The following UPRT variants were observed in gnomAD, a reference collection of about 807,000 sequenced individuals.
The protein encoded by UPRT is uracil phosphoribosyltransferase homolog, also known as RP11-311P8.3.
UPRT carries 5 observed loss-of-function variants against 22.6 expected under a neutral mutation model. The ratio of observed to expected loss-of-function variants is 0.22; its 90% CI spans 0.12 to 0.47. The LOEUF (loss-of-function observed/expected upper bound fraction) is 0.47, where lower values mean the gene tolerates loss of function less well. Ranked by LOEUF, UPRT falls within the 20% of genes least tolerant of loss-of-function variation. The pLI is 0.99. For synonymous variants in UPRT, 77 were observed against 87.7 expected (o/e 0.88, Z 0.68); for missense variants, 181 against 239.9 (o/e 0.75, Z 1.62).
Position 75,173,947 on chromosome X carries a change from C to T in UPRT, c.-447+6068C>T, listed in dbSNP as rs751640315. ...GGAACTCCAGCTGGCCCACAAGCGC[C>T]GCATGCAGCCCCGGTTCCCGCTCCC... is the stretch of plus-strand genomic sequence containing the variant. On this transcript the variant is annotated intron_variant, in intron 4 of 13. Coordinates refer to the UPRT transcript ENST00000652605. 1.8e-5 allele frequency among the ~76,000 whole-genome samples: 2 copies of T among 111,047 alleles called. 1 individual carries two copies. Among genetic ancestry groups the T allele is most frequent in the South Asian group, 7.6e-4 (2 of 2,624 alleles).
intron 4 of UPRT, among the ~76,000 whole-genome samples, chrX:75,255,418 C>T (rs1464358902): frequency 8.9e-6 from 1 of 111,755 alleles, no homozygotes; most frequent in Non-Finnish European, 1.9e-5. Flanking sequence ...AAGCATAAAT[C>T]TCACATGTCC....
At chrX:75,162,106 CTTTTT>C (rs5902736) in intron 2 of UPRT, among the ~76,000 whole-genome samples, 1 of 78,977 alleles carries the variant, frequency 1.3e-5, no homozygotes, top group African/African-American at 4.3e-5. Context: ...TCTTTCTTTT[CTTTTT>C]TTTTTTTTTT....
chrX:75,172,212 G>C (rs2147604289), intron 4 of UPRT, among the ~76,000 whole-genome samples: 1 of 111,208 alleles, frequency 9.0e-6, no homozygotes, highest in South Asian at 3.9e-4. Flanking sequence ...GGTGGGGGCA[G>C]GGTTAGGCAT....
At chrX:75,235,464 G>A (rs1185849332) in intron 4 of UPRT, among the ~76,000 whole-genome samples, 1 of 111,731 alleles carries the variant, frequency 9.0e-6, no homozygotes, top group Non-Finnish European at 1.9e-5. Context: ...TGATACCAAA[G>A]CCGGGCAGGG....
intron 4 of UPRT, among the ~76,000 whole-genome samples, chrX:75,247,963 G>A (rs1023501174): frequency 2.7e-5 from 3 of 111,870 alleles, no homozygotes; most frequent in Admixed American, 1.9e-4. Flanking sequence ...AGGCAAACAG[G>A]GTTTGGAGTG....
chrX:75,301,953 G>A (rs1569286738), intron 6 of UPRT, among the ~76,000 whole-genome samples: 1 of 111,908 alleles, frequency 8.9e-6, no homozygotes. Flanking sequence ...GGGATTCTAA[G>A]TGCTTTTCAT....
intron 4 of UPRT, among the ~76,000 whole-genome samples, chrX:75,230,597 C>G (rs933197041): frequency 8.0e-5 from 9 of 112,109 alleles, no homozygotes; most frequent in Non-Finnish European, 1.7e-4. Context: ...AGTCAGAGAT[C>G]CTGAGTCTGT....
intron 4 of UPRT, among the ~76,000 whole-genome samples, chrX:75,234,994 A>G (rs1463981015): frequency 8.9e-6 from 1 of 112,079 alleles, no homozygotes; most frequent in Non-Finnish European, 1.9e-5. Context: ...CAATGAATCC[A>G]GGAGCTGGTT....
chrX:75,237,021 A>G (rs2082468549), intron 4 of UPRT, among the ~76,000 whole-genome samples: 2 of 112,090 alleles, frequency 1.8e-5, no homozygotes, highest in South Asian at 7.4e-4. Flanking sequence ...AACCTACAAA[A>G]TGGGAGAAAA....
At chrX:75,185,511 G>A (rs1395241015) in intron 4 of UPRT, among the ~76,000 whole-genome samples, 15 of 111,731 alleles carry the variant, frequency 1.3e-4, no homozygotes, top group African/African-American at 4.9e-4. Context: ...GTCTGGCTTT[G>A]GTATCAGAAT....
At chrX:75,289,308 AT>A (rs902659160) in intron 1 of UPRT, among the ~76,000 whole-genome samples, 42 of 111,976 alleles carry the variant, frequency 3.8e-4, no homozygotes, top group African/African-American at 1.4e-3. Flanking sequence ...GAAATAATAA[AT>A]GACACAGTAG....
chrX:75,168,692 G>A lies in UPRT; in HGVS notation c.-447+813G>A, dbSNP rs765471890. On this transcript the variant is annotated intron_variant, in intron 4 of 13. Transcript: ENST00000652605. Reference sequence around the variant, plus strand: ...TTACAGGCATGCGCCACCATGCCTGGCCAGTTTTGTATTTTTAGCGGAGAC... The same window carrying A: ...TTACAGGCATGCGCCACCATGCCTGACCAGTTTTGTATTTTTAGCGGAGAC... Among the ~76,000 whole-genome samples the A allele has an allele frequency of 7.2e-5, 8 of 110,728 alleles. No individual in the cohort carries two copies. In the Admixed American group the frequency reaches 7.7e-4, roughly 11 times the overall value.
intron 1 of UPRT, among the ~76,000 whole-genome samples, chrX:75,279,287 C>G (rs763408529): frequency 1.3e-4 from 15 of 111,559 alleles, no homozygotes; most frequent in African/African-American, 4.6e-4. Flanking sequence ...TGCACAAAAC[C>G]AAAATGCCCA....
rs192161134 is a variant in UPRT at position 75,195,444 on chromosome X, G to A, written c.-447+27565G>A. On this transcript the variant is annotated intron_variant, in intron 4 of 13. Coordinates refer to the UPRT transcript ENST00000652605. ...GGCTAAAGTCTCCTAGGGGAGCAAT[G>A]TAAGGTTTGGGGGGTGGGCATCCCT... Among the ~76,000 whole-genome samples, 3 of 111,985 alleles carry A rather than the reference G, an allele frequency of 2.7e-5. No homozygotes were observed. The Admixed American group carries it at 2.8e-4, about 11-fold the overall frequency.
intron 1 of UPRT, among the ~76,000 whole-genome samples, chrX:75,285,209 G>T (rs374784466): frequency 9.0e-6 from 1 of 111,275 alleles, no homozygotes; most frequent in African/African-American, 3.3e-5. Flanking sequence ...TTGAAAAATT[G>T]CCCAGACTAC....
intron 4 of UPRT, among the ~76,000 whole-genome samples, chrX:75,234,818 C>T (rs1338746934): frequency 5.4e-5 from 6 of 110,796 alleles, no homozygotes; most frequent in African/African-American, 2.0e-4. Flanking sequence ...GCACTAAATG[C>T]CCACAAGAGA....
intron 1 of UPRT, among the ~76,000 whole-genome samples, chrX:75,278,856 G>C (rs1205850144): frequency 9.0e-6 from 1 of 111,282 alleles, no homozygotes; most frequent in Admixed American, 9.6e-5. Context: ...TCACCTGGAG[G>C]GGAGAAAATT....
chrX:75,180,679 C>CTGTTTTTTTTTTTT (rs1421378356), intron 4 of UPRT, among the ~76,000 whole-genome samples: 1 of 30,007 alleles, frequency 3.3e-5, no homozygotes, highest in African/African-American at 1.1e-4. Flanking sequence ...CCCCTTTTCT[C>CTGTTTTTTTTTTTT]TGTTTTTTTT....
intron 4 of UPRT, among the ~76,000 whole-genome samples, chrX:75,185,717 C>T (rs1347814256): frequency 1.8e-5 from 2 of 111,838 alleles, no homozygotes; most frequent in Non-Finnish European, 3.8e-5. Context: ...TTGGTCTATT[C>T]AGAGATTCAA....
Sources: gnomAD v4.1 joint callset for allele counts (sites outside exome capture counted in the v4.1 genomes callset) on GRCh38, gnomAD v4.1.1 for gene constraint, MANE v1.5 for transcripts, NCBI Gene and HGNC (gene_info 2026-07-23, HGNC 2026-07-21) for gene names.